HS3ST4: variants seen among roughly 807,000 people sequenced by gnomAD.
HS3ST4 encodes the protein heparan sulfate-glucosamine 3-sulfotransferase 4.
In HS3ST4, 17 loss-of-function variants were observed where a neutral mutation model predicts 29.2. That is an observed-to-expected ratio of 0.58 (90% CI 0.40 to 0.87). The LOEUF (loss-of-function observed/expected upper bound fraction) is 0.87. HS3ST4 is among the 40% of genes least tolerant of loss of function. The probability of loss-of-function intolerance (pLI) is 0.00; values close to 1 mark genes in which losing one functional copy is unlikely to be tolerated. For synonymous variants in HS3ST4, 314 were observed against 285.7 expected (o/e 1.10, Z -1.00); for missense variants, 627 against 634.5 (o/e 0.99, Z 0.13).
At chr16:26,083,779 C>T (rs914758407) in intron 1 of HS3ST4, among the ~76,000 whole-genome samples, 7 of 152,044 alleles carry the variant, frequency 4.6e-5, no homozygotes, top group African/African-American at 1.2e-4. Flanking sequence ...AGTTATCTCA[C>T]ATGTGCCCTA....
chr16:25,880,015 C>T (rs771685751), intron 1 of HS3ST4, among the ~76,000 whole-genome samples: 3 of 152,148 alleles, frequency 2.0e-5, no homozygotes, highest in Non-Finnish European at 4.4e-5. Context: ...CCTGGCCCCA[C>T]CCTTGACATG....
At chr16:25,996,019 GA>G (rs1567290016) in intron 1 of HS3ST4, among the ~76,000 whole-genome samples, 1 of 143,968 alleles carries the variant, frequency 6.9e-6, no homozygotes, top group Non-Finnish European at 1.5e-5. Flanking sequence ...AAAAAAAAAA[GA>G]TAGCATTTGT....
intron 1 of HS3ST4, among the ~76,000 whole-genome samples, chr16:26,125,002 T>G (rs1899323765): frequency 6.6e-6 from 1 of 152,254 alleles, no homozygotes. Flanking sequence ...CTTTTGATCC[T>G]TTGAGATAAA....
intron 1 of HS3ST4, among the ~76,000 whole-genome samples, chr16:25,734,242 C>T (rs1966591237): frequency 6.6e-6 from 1 of 152,220 alleles, no homozygotes; most frequent in Non-Finnish European, 1.5e-5. Context: ...CAAGAAAAGC[C>T]AGAAATCTGA....
intron 1 of HS3ST4, among the ~76,000 whole-genome samples, chr16:26,086,292 C>T (rs1898785611): frequency 1.3e-5 from 2 of 152,172 alleles, no homozygotes; most frequent in South Asian, 2.1e-4. Context: ...CTGACTCGCT[C>T]AGTAGAGTGT....
At chr16:25,706,357 C>G (rs1227778166) in intron 1 of HS3ST4, among the ~76,000 whole-genome samples, 1 of 152,066 alleles carries the variant, frequency 6.6e-6, no homozygotes, top group Non-Finnish European at 1.5e-5. Flanking sequence ...AGTTGTCTGC[C>G]TAACATGCTT....
chr16:25,848,046 G>A (rs4496146), intron 1 of HS3ST4, among the ~76,000 whole-genome samples: 44,346 of 152,038 alleles, frequency 0.29, 6,914 homozygotes, highest in Admixed American at 0.35. Flanking sequence ...TAATCACAGT[G>A]AAGTACAGAT....
chr16:26,090,111 A>T (rs1158425712), intron 1 of HS3ST4, among the ~76,000 whole-genome samples: 1 of 152,152 alleles, frequency 6.6e-6, no homozygotes, highest in Non-Finnish European at 1.5e-5. Flanking sequence ...CACTTCCTCC[A>T]TTTCTGTCCC....
At chr16:25,993,952 G>C (rs1390024550) in intron 1 of HS3ST4, among the ~76,000 whole-genome samples, 200 of 3,188 alleles carry the variant, frequency 0.063, no homozygotes, top group Middle Eastern at 0.12. Context: ...ATAACCTCGT[G>C]TGTGTGTGTG....
intron 1 of HS3ST4, among the ~76,000 whole-genome samples, chr16:25,750,629 G>T (rs1361315512): frequency 6.6e-6 from 1 of 152,282 alleles, no homozygotes; most frequent in East Asian, 1.9e-4. Context: ...CCAGCCCTTG[G>T]CAGCATTGCC....
intron 1 of HS3ST4, among the ~76,000 whole-genome samples, chr16:26,118,730 A>G (rs896504291): frequency 2.0e-5 from 3 of 152,178 alleles, no homozygotes; most frequent in Admixed American, 6.5e-5. Flanking sequence ...TCACTCCAGG[A>G]TGAGGAAATA....
Position 25,786,390 on chromosome 16 carries a change from G to A in HS3ST4, c.734+93239G>A, listed in dbSNP as rs117278946. On this transcript the variant is annotated intron_variant, in intron 1 of 1. Transcript: ENST00000331351. ...ATATTATCGATACCTGCCTTAAAGG[G>A]TTGAGAGGATTAAGCAAAAAATGGG... is the stretch of plus-strand genomic sequence containing the variant. 3.3e-5 allele frequency among the ~76,000 whole-genome samples: 5 copies of A among 152,290 alleles called. No homozygotes were observed. The East Asian group carries it at 9.6e-4, about 29-fold the overall frequency.
intron 1 of HS3ST4, among the ~76,000 whole-genome samples, chr16:26,035,520 TC>T (rs1969574476): frequency 6.6e-6 from 1 of 152,262 alleles, no homozygotes; most frequent in Non-Finnish European, 1.5e-5. Context: ...CAATATCCAT[TC>T]TTTTGCACAA....
intron 1 of HS3ST4, chr16:26,032,925 C>A (rs549299559): frequency 2.6e-5 from 22 of 830,370 alleles, no homozygotes; most frequent in Non-Finnish European, 4.1e-5. Context: ...GCTCCGGAGG[C>A]GTGTTTTAAG....
chr16:26,131,916 C>T (rs1286150278), intron 1 of HS3ST4, among the ~76,000 whole-genome samples: 1 of 152,164 alleles, frequency 6.6e-6, no homozygotes, highest in Non-Finnish European at 1.5e-5. Context: ...GTCACCGATC[C>T]TGGTGTTGAA....
chr16:25,958,116 A>G (rs935792361), intron 1 of HS3ST4, among the ~76,000 whole-genome samples: 3 of 152,188 alleles, frequency 2.0e-5, no homozygotes, highest in African/African-American at 7.2e-5. Context: ...GGTACTCCAC[A>G]GGGACTAAGC....
At chr16:26,053,291 C>T (rs1198565317) in intron 1 of HS3ST4, among the ~76,000 whole-genome samples, 1 of 152,194 alleles carries the variant, frequency 6.6e-6, no homozygotes, top group African/African-American at 2.4e-5. Flanking sequence ...TGAGATAAGT[C>T]ATTCTGAATG....
rs549381235 is a variant in HS3ST4, at chr16:25,761,059, C to T, written c.734+67908C>T. 9.1e-4 allele frequency among the ~76,000 whole-genome samples: 138 copies of T among 152,210 alleles called. 1 individual carries two copies. Among genetic ancestry groups the T allele is most frequent in the African/African-American group, 2.9e-3 (121 of 41,540 alleles). Reference sequence around the variant, plus strand: ...CCAGGGTGAATGCATGCATGGAGACCGACCTCCCCATCAGACCCCAGAGCC... The same window carrying T: ...CCAGGGTGAATGCATGCATGGAGACTGACCTCCCCATCAGACCCCAGAGCC... On this transcript the variant is annotated intron_variant, in intron 1 of 1. Coordinates refer to ENST00000331351, the MANE Select transcript of HS3ST4 (RefSeq NM_006040.3).
chr16:25,745,513 A>G (rs1358594987), intron 1 of HS3ST4, among the ~76,000 whole-genome samples: 1 of 152,184 alleles, frequency 6.6e-6, no homozygotes, highest in African/African-American at 2.4e-5. Context: ...CTATATTTTT[A>G]AACCTGGTAA....
Sources: allele counts gnomAD v4.1 joint callset (sites outside exome capture counted in the v4.1 genomes callset), GRCh38; gene constraint gnomAD v4.1.1; transcripts MANE v1.5; gene names NCBI Gene and HGNC (gene_info 2026-07-23, HGNC 2026-07-21).